Variants in SHISA7 observed in about 807,000 individuals in gnomAD.
SHISA7 encodes the protein protein shisa-7.
SHISA7 carries 6 observed loss-of-function variants against 23.9 expected under a neutral mutation model. The observed-to-expected ratio is 0.25, with a 90% CI of 0.14 to 0.50. The LOEUF is 0.50. SHISA7 is among the 20% of genes least tolerant of loss of function. The pLI, the probability that SHISA7 is intolerant of heterozygous loss-of-function variation, is 0.98. For synonymous variants in SHISA7, 386 were observed against 398.3 expected (o/e 0.97, Z 0.37); for missense variants, 671 against 801.1 (o/e 0.84, Z 1.96).
At position 55,442,450 on chromosome 19, in the gene SHISA7, G is replaced by A. The variant is rs781080215; in HGVS notation, c.414C>T (p.Thr138=). 3 of 1,429,120 alleles carry A rather than the reference G, an allele frequency of 2.1e-6. No individual in the cohort carries two copies. The highest frequency in any genetic ancestry group is 3.0e-5 in the African/African-American group (2 of 66,972). 88.5% of individuals were successfully genotyped at this position (1,429,120 alleles called of 1,614,324 possible). Residue 138 remains threonine, a synonymous_variant, in exon 1 of 4, where the codon ACC becomes ACT. Coordinates refer to ENST00000376325, the MANE Select transcript of SHISA7 (RefSeq NM_001145176.2). ...CGCCCCCAGCTAGCGGCGGCGGCGT[G>A]GTGGCCCAGCGCGGCGTGTCGTAGT... is the stretch of plus-strand genomic sequence containing the variant. ...CSNYDTPRWA[T]TPPPLAGGAG...
chr19:55,442,242 T>C lies in SHISA7; in HGVS notation c.622A>G (p.Ser208Gly), dbSNP rs1435963360. Reference sequence around the variant, plus strand: ...GCCCGGGGCGCACGGGACGCCTTGCTGAAGGCCACTTTGGCGCCGACGCCC... The same window carrying C: ...GCCCGGGGCGCACGGGACGCCTTGCCGAAGGCCACTTTGGCGCCGACGCCC... ...AVGVGAKVAF[S>G]KASRAPRAHR... Residue 208 changes from serine (S) to glycine (G), a missense_variant, in exon 1 of 4, where the codon AGC (serine) becomes GGC (glycine). Physicochemically the swap from Ser to Gly is moderately conservative, Grantham distance 56 (BLOSUM62 0). Coordinates refer to ENST00000376325, the MANE Select transcript of SHISA7 (RefSeq NM_001145176.2). 6.5e-7 allele frequency: 1 copy of C among 1,534,118 alleles called. No individual in the cohort carries two copies. The highest frequency in any genetic ancestry group is 8.7e-7 in the Non-Finnish European group (1 of 1,145,998).
chr19:55,442,793 G>A lies in SHISA7; in HGVS notation c.71C>T (p.Ala24Val). ...CGGGCCCGCGGGCTCGGCGCTCGTG[G>A]CGTTGGACGGGCGCGCCCTGGCCTG... ...AGQARARPSN[A>V]TSAEPAGPLP... is the part of the protein sequence containing the mutation. The change falls in exon 1 of 4, where the codon GCC becomes GTC. Residue 24 changes from alanine (A) to valine (V), a missense_variant. Transcript: ENST00000376325. 7.7e-7 allele frequency: 1 copy of A among 1,296,822 alleles called. No individual in the cohort carries two copies. The highest frequency in any genetic ancestry group is 9.8e-7 in the Non-Finnish European group (1 of 1,023,252). The allele number at this position is 1,296,822 out of a possible 1,614,324, so 80.3% of individuals were successfully genotyped here. A position where few individuals can be genotyped will look rare whatever the true frequency, so the allele number is the denominator to read the frequency against.
At position 55,433,515 on chromosome 19, in the gene SHISA7, C is replaced by T; in HGVS notation, c.1258G>A (p.Ala420Thr). The change falls in exon 4 of 4, where the codon GCC (alanine) becomes ACC (threonine). Residue 420 changes from alanine to threonine, a missense_variant. Transcript: ENST00000376325. This position sits in a 1 kb window ranked among gnomAD's most constrained non-coding sequence, Gnocchi z 8.4. ...QEHLLLSSPEALRQSREHLLS... is the reference protein window; with the variant it reads ...QEHLLLSSPETLRQSREHLLS... Reference sequence around the variant, plus strand: ...AGGTGCTCGCGACTCTGGCGCAGGGCCTCGGGCGAGGACAGCAGCAGGTGC... The same window carrying T: ...AGGTGCTCGCGACTCTGGCGCAGGGTCTCGGGCGAGGACAGCAGCAGGTGC... 6.8e-7 allele frequency: 1 copy of T among 1,473,964 alleles called. No homozygotes were observed. The highest frequency in any genetic ancestry group is 8.9e-7 in the Non-Finnish European group (1 of 1,119,470). 91.3% of individuals were successfully genotyped at this position (1,473,964 alleles called of 1,614,324 possible). A position where few individuals can be genotyped will look rare whatever the true frequency, so the allele number is the denominator to read the frequency against.
chr19:55,442,528 G>A lies in SHISA7; in HGVS notation c.336C>T (p.Tyr112=), dbSNP rs1265802131. The change falls in exon 1 of 4, where the codon TAC becomes TAT. Residue 112 remains tyrosine, a synonymous_variant. Coordinates refer to ENST00000376325, the MANE Select transcript of SHISA7 (RefSeq NM_001145176.2). ...TGTGACGGTGCTCACAGCAGAAGCG[G>A]TAGTGGCAGGTGCCACAGCAGAAGC... ...SYRFCCGTCH[Y]RFCCEHRHMR... 2.7e-6 allele frequency: 4 copies of A among 1,480,250 alleles called. No homozygotes were observed. In the Admixed American group the frequency reaches 8.9e-5, roughly 33 times the overall value. 91.7% of individuals were successfully genotyped at this position (1,480,250 alleles called of 1,614,324 possible). A position where few individuals can be genotyped will look rare whatever the true frequency, so the allele number is the denominator to read the frequency against.
At chr19:55,441,124 C>G (rs1365775528) in intron 1 of SHISA7, among the ~76,000 whole-genome samples, 1 of 152,164 alleles carries the variant, frequency 6.6e-6, no homozygotes, top group East Asian at 1.9e-4. Flanking sequence ...ATGCGGACCT[C>G]AAACATTAAA....
intron 1 of SHISA7, 63 bp downstream of exon 1, chr19:55,442,130 C>T: frequency 1.4e-6 from 2 of 1,443,656 alleles, no homozygotes; most frequent in Non-Finnish European, 1.8e-6. Flanking sequence ...CCTCGGATGG[C>T]TCCACCTCCC....
Position 55,433,746 on chromosome 19 carries a change from G to A in SHISA7, c.1027C>T (p.Pro343Ser). 1 of 1,457,464 alleles carries A rather than the reference G, an allele frequency of 6.9e-7. No individual in the cohort carries two copies. The highest frequency in any genetic ancestry group is 9.0e-7 in the Non-Finnish European group (1 of 1,114,878). 90.3% of individuals were successfully genotyped at this position (1,457,464 alleles called of 1,614,324 possible). A position where few individuals can be genotyped will look rare whatever the true frequency, so the allele number is the denominator to read the frequency against. The change falls in exon 4 of 4, where the codon CCC becomes TCC. Residue 343 changes from proline to serine, a missense_variant. Physicochemically the swap from Pro to Ser is moderately conservative, Grantham distance 74. Around this residue, in one of 5 missense-constraint regions of SHISA7, gnomAD observed 457 missense variants for 488.3 expected, o/e 0.94. Transcript: ENST00000376325. This position sits in a 1 kb window ranked among gnomAD's most constrained non-coding sequence, Gnocchi z 8.4. ...AYLKRRPLEL[P>S]RGTLPLHALR... ...GCGTGCAGGGGCAGCGTGCCGCGGG[G>A]CAATTCCAGGGGCCGGCGCTTCAGG... is the stretch of plus-strand genomic sequence containing the variant.
rs1389146220 is a variant in SHISA7 at position 55,431,265 on chromosome 19, A to G, written c.*1891T>C. On this transcript the variant is annotated 3_prime_UTR_variant, in exon 4 of 4. Transcript: ENST00000376325. ...ATCATGGGTCTTGGGAGGTGATGAC[A>G]CCAAAATCATGAGGGATTATGGGAA... The G allele has an allele frequency of 6.6e-6, 1 of 152,150 alleles. No homozygotes were observed. The highest frequency in any genetic ancestry group is 1.5e-5 in the Non-Finnish European group (1 of 68,038). 9.4% of individuals were successfully genotyped at this position (152,150 alleles called of 1,614,324 possible). A position where few individuals can be genotyped will look rare whatever the true frequency, so the allele number is the denominator to read the frequency against.
At chr19:55,441,644 G>A (rs972231163) in intron 1 of SHISA7, among the ~76,000 whole-genome samples, 6 of 152,192 alleles carry the variant, frequency 3.9e-5, no homozygotes, top group African/African-American at 1.4e-4. Flanking sequence ...TTTCTTCACA[G>A]CAGTCATCTA....
At chr19:55,442,158 A>C (rs1472113322) in intron 1 of SHISA7, 35 bp downstream of exon 1, 14 of 1,505,138 alleles carry the variant, frequency 9.3e-6, no homozygotes, top group Non-Finnish European at 1.2e-5. Flanking sequence ...GCCCCGCCCC[A>C]GGCTCGCAGT....
chr19:55,440,641 G>A lies in SHISA7; in HGVS notation c.796C>T (p.Leu266Phe), dbSNP rs552965014. Residue 266 changes from leucine to phenylalanine, a missense_variant, in exon 2 of 4, where the codon CTC becomes TTC. Transcript: ENST00000376325. ...DSMPPRTPKN[L>F]YNTVKTPNLD... The stretch of plus-strand genomic sequence containing the variant: ...TTGGGGGTCTTCACGGTGTTGTAGA[G>A]GTTCTTGGGCGTCCTGGGGGGCATG... 5 of 1,249,856 alleles carry A rather than the reference G, an allele frequency of 4.0e-6. No homozygotes were observed. The South Asian group carries it at 1.6e-4, about 41-fold the overall frequency. The allele number at this position is 1,249,856 out of a possible 1,614,324, so 77.4% of individuals were successfully genotyped here. A position where few individuals can be genotyped will look rare whatever the true frequency, so the allele number is the denominator to read the frequency against.
Position 55,429,543 on chromosome 19 carries a change from C to T in SHISA7, c.*3613G>A, listed in dbSNP as rs1985119534. 1.3e-5 allele frequency: 2 copies of T among 152,082 alleles called. No individual in the cohort carries two copies. The highest frequency in any genetic ancestry group is 4.8e-5 in the African/African-American group (2 of 41,368). 9.4% of individuals were successfully genotyped at this position (152,082 alleles called of 1,614,324 possible). A position where few individuals can be genotyped will look rare whatever the true frequency, so the allele number is the denominator to read the frequency against. On this transcript the variant is annotated 3_prime_UTR_variant, in exon 4 of 4. Transcript: ENST00000376325. ...CCAAGGGCCAGTTGTCTGCCCCAAG[C>T]TCCTGACAAGAAGGAGTGTGAGGTG...
chr19:55,440,648 G>A lies in SHISA7; in HGVS notation c.789C>T (p.Pro263=). ...TCTTCACGGTGTTGTAGAGGTTCTT[G>A]GGCGTCCTGGGGGGCATGCTGTCGG... is the stretch of plus-strand genomic sequence containing the variant. ...GGPDSMPPRT[P]KNLYNTVKTP... The change falls in exon 2 of 4, where the codon CCC becomes CCT. Residue 263 remains proline (P), a synonymous_variant. Transcript: ENST00000376325. The A allele has an allele frequency of 8.0e-7, 1 of 1,249,756 alleles. No homozygotes were observed. The highest frequency in any genetic ancestry group is 1.0e-6 in the Non-Finnish European group (1 of 988,226). The allele number at this position is 1,249,756 out of a possible 1,614,324, so 77.4% of individuals were successfully genotyped here. A position where few individuals can be genotyped will look rare whatever the true frequency, so the allele number is the denominator to read the frequency against.
chr19:55,437,537 G>A, intron 3 of SHISA7, 68 bp downstream of exon 3: 1 of 1,494,992 alleles, frequency 6.7e-7, no homozygotes. Context: ...CACTGTCCAC[G>A]GTCCTGAACC....
At chr19:55,434,331 G>GT (rs1985304527) in intron 3 of SHISA7, among the ~76,000 whole-genome samples, 1 of 135,272 alleles carries the variant, frequency 7.4e-6, no homozygotes, top group East Asian at 2.5e-4. Context: ...TGTGGTGTGT[G>GT]GTGTGTGTGC....
intron 1 of SHISA7, among the ~76,000 whole-genome samples, chr19:55,441,886 A>T (rs1244634545): frequency 6.6e-6 from 1 of 152,226 alleles, no homozygotes; most frequent in Non-Finnish European, 1.5e-5. Flanking sequence ...CTTTTCCACC[A>T]GGGCAGAGAC....
At chr19:55,441,502 G>A (rs1985597801) in intron 1 of SHISA7, among the ~76,000 whole-genome samples, 1 of 152,226 alleles carries the variant, frequency 6.6e-6, no homozygotes, top group Non-Finnish European at 1.5e-5. Flanking sequence ...TTTGCACGCG[G>A]TTCCCCTGCC....
Position 55,433,727 on chromosome 19 carries a change from A to C in SHISA7, c.1046T>G (p.Leu349Arg). 5 of 1,472,584 alleles carry C rather than the reference A, an allele frequency of 3.4e-6. No individual in the cohort carries two copies. Among genetic ancestry groups the C allele is most frequent in the Non-Finnish European group, 4.5e-6 (5 of 1,119,960 alleles). 91.2% of individuals were successfully genotyped at this position (1,472,584 alleles called of 1,614,324 possible). Reference protein sequence around the residue: ...PLELPRGTLPLHALRRPGTGG... With the variant: ...PLELPRGTLPRHALRRPGTGG... ...CGTGCCCGGCCGCCGCAGCGCGTGC[A>C]GGGGCAGCGTGCCGCGGGGCAATTC... Residue 349 changes from leucine (L) to arginine (R), a missense_variant, in exon 4 of 4, where the codon CTG (leucine) becomes CGG (arginine). Around this residue, in one of 5 missense-constraint regions of SHISA7, gnomAD observed 457 missense variants for 488.3 expected, o/e 0.94. Transcript: ENST00000376325. This position sits in a 1 kb window ranked among gnomAD's most constrained non-coding sequence, Gnocchi z 8.4.
chr19:55,438,302 G>T (rs114691854), intron 2 of SHISA7, among the ~76,000 whole-genome samples: 1,782 of 152,328 alleles, frequency 0.012, 27 homozygotes, highest in African/African-American at 0.041. Context: ...CCAAGAGGGG[G>T]GTACTGGGCA....
Sources: gnomAD v4.1 joint callset for allele counts (sites outside exome capture counted in the v4.1 genomes callset) on GRCh38, gnomAD v4.1.1 for gene constraint, gnomAD v4.1.1 regional missense constraint, Gnocchi (gnomAD v3.1) non-coding constraint, MANE v1.5 for transcripts, NCBI Gene and HGNC (gene_info 2026-07-23, HGNC 2026-07-21) for gene names.